The following GGT1 variants were observed in gnomAD, a reference collection of about 807,000 sequenced individuals.
GGT1 encodes the protein gamma-glutamyltransferase 1.
GGT1 carries 21 observed loss-of-function variants against 56.0 expected under a neutral mutation model. That is an observed-to-expected ratio of 0.38 (90% CI 0.27 to 0.54). GGT1 has a LOEUF of 0.54. Ranked by LOEUF, GGT1 falls within the 20% of genes least tolerant of loss-of-function variation. The probability of loss-of-function intolerance (pLI) is 0.82; values close to 1 mark genes in which losing one functional copy is unlikely to be tolerated. For synonymous variants in GGT1, 238 were observed against 342.6 expected (o/e 0.69, Z 3.37); for missense variants, 466 against 787.0 (o/e 0.59, Z 4.88).
At chr22:24,619,819 T>C (rs4049857) in intron 7 of GGT1, among the ~76,000 whole-genome samples, 133 of 150,968 alleles carry the variant, frequency 8.8e-4, no homozygotes, top group Admixed American at 1.8e-3. Context: ...TTGTGGTCAG[T>C]GAGATGGGAG....
chr22:24,587,099 C>G, the GGT1 span, among the ~76,000 whole-genome samples: 1 of 152,240 alleles, frequency 6.6e-6, no homozygotes, highest in African/African-American at 2.4e-5. Flanking sequence ...CTGAGATGCT[C>G]TGACTCTTGA....
At position 24,611,172 on chromosome 22, in the gene GGT1, A is replaced by G. The variant is rs2046630364; in HGVS notation, c.91A>G (p.Lys31Glu). 6.3e-7 allele frequency: 1 copy of G among 1,595,004 alleles called. No homozygotes were observed. Among genetic ancestry groups the G allele is most frequent in the Non-Finnish European group, 8.5e-7 (1 of 1,171,126 alleles). ...GLCLWLPSASKEPDNHVYTRA... is the reference protein window; with the variant it reads ...GLCLWLPSASEEPDNHVYTRA... Reference sequence around the variant, plus strand: ...CTGTCTCTGGCTGCCCTCAGCCTCCAAGGAACCTGACAACCATGTGTACAC... The same window carrying G: ...CTGTCTCTGGCTGCCCTCAGCCTCCGAGGAACCTGACAACCATGTGTACAC... The change falls in exon 5 of 16, where the codon AAG becomes GAG. Residue 31 changes from lysine (K) to glutamate (E), a missense_variant. Around this residue, in one of 2 missense-constraint regions of GGT1, gnomAD observed 456 missense variants for 716.7 expected, o/e 0.64. Coordinates refer to ENST00000400382, the MANE Select transcript of GGT1 (RefSeq NM_001288833.2).
In GGT1 at chr22:24,613,376, A is replaced by G. The variant is rs560488127; in HGVS notation, c.165-1400A>G. Among the ~76,000 whole-genome samples the G allele has an allele frequency of 6.9e-4, 105 of 152,016 alleles. 1 individual carries two copies. In the South Asian group the frequency reaches 0.022, roughly 31 times the overall value. On this transcript the variant is annotated intron_variant, in intron 5 of 15. Coordinates refer to ENST00000400382, the MANE Select transcript of GGT1 (RefSeq NM_001288833.2). ...GTGTAAGCCACCATCTCTAGCCGGGAAAAAAAATGTTATTAATAAAGTATA... is the reference window on the plus strand; with the variant it reads ...GTGTAAGCCACCATCTCTAGCCGGGGAAAAAAATGTTATTAATAAAGTATA...
chr22:24,612,030 C>A (rs2046738655), intron 5 of GGT1, among the ~76,000 whole-genome samples: 1 of 152,112 alleles, frequency 6.6e-6, no homozygotes, highest in Non-Finnish European at 1.5e-5. Context: ...TGGTCTTGAA[C>A]TCCTGACCTT....
chr22:24,586,172 G>A, the GGT1 span: 11 of 1,613,510 alleles, frequency 6.8e-6, no homozygotes, highest in Middle Eastern at 1.6e-4. Flanking sequence ...AGTGGCCCGC[G>A]TCAGTCGGTT....
intron 7 of GGT1, chr22:24,616,037 C>T (rs1221033916): frequency 6.6e-6 from 1 of 151,922 alleles, no homozygotes; most frequent in African/African-American, 2.4e-5. Context: ...TCACTTGAGC[C>T]CAGGAGGTTG....
intron 7 of GGT1, 71 bp downstream of exon 7, chr22:24,615,198 A>C: frequency 2.7e-6 from 3 of 1,102,166 alleles, no homozygotes; most frequent in Non-Finnish European, 4.1e-6. Context: ...CCTTGCCCAC[A>C]GGAGCCTGCT....
upstream of GGT1, among the ~76,000 whole-genome samples, chr22:24,600,288 C>G (rs368895973): frequency 6.6e-6 from 1 of 152,204 alleles, no homozygotes; most frequent in African/African-American, 2.4e-5. Flanking sequence ...AGCAACTGTT[C>G]TAGTTATCCC....
chr22:24,617,251 C>T (rs2047128687), intron 7 of GGT1, among the ~76,000 whole-genome samples: 1 of 152,122 alleles, frequency 6.6e-6, no homozygotes, highest in Non-Finnish European at 1.5e-5. Context: ...GGTGTGATGG[C>T]AGGGACAGAG....
chr22:24,612,096 T>G (rs9680722), intron 5 of GGT1, among the ~76,000 whole-genome samples: 7,956 of 151,990 alleles, frequency 0.052, 669 homozygotes, highest in African/African-American at 0.18. Flanking sequence ...GAGCCACTGC[T>G]CCTGGCCTAA....
chr22:24,592,992 C>G, upstream of GGT1: 1 of 1,154,188 alleles, frequency 8.7e-7, no homozygotes, highest in Middle Eastern at 3.6e-4. Flanking sequence ...CCGCCCCGGC[C>G]TCAGAGCCAG....
chr22:24,616,208 G>A (rs534671817), intron 7 of GGT1, among the ~76,000 whole-genome samples: 1 of 152,070 alleles, frequency 6.6e-6, no homozygotes, highest in African/African-American at 2.4e-5. Context: ...TAGGTCAGGA[G>A]TTCAAGACCA....
intron 11 of GGT1, among the ~76,000 whole-genome samples, chr22:24,625,558 T>C (rs1312483954): frequency 6.6e-6 from 1 of 152,002 alleles, no homozygotes; most frequent in Non-Finnish European, 1.5e-5. Context: ...GTTTTTTTTT[T>C]TGAGACAGAG....
At chr22:24,611,560 A>G (rs1463762841) in intron 5 of GGT1, among the ~76,000 whole-genome samples, 2 of 124,808 alleles carry the variant, frequency 1.6e-5, no homozygotes, top group African/African-American at 3.2e-5. Context: ...CTATCTATCT[A>G]TCTATCTATC....
chr22:24,600,429 TG>T (rs2045764065), upstream of GGT1, among the ~76,000 whole-genome samples: 1 of 152,264 alleles, frequency 6.6e-6, no homozygotes, highest in African/African-American at 2.4e-5. Flanking sequence ...CTCTGAGTTT[TG>T]GAGCTGGACT....
Position 24,605,861 on chromosome 22 carries a change from G to A in GGT1, c.-428-2093G>A, listed in dbSNP as rs1485719283. Among the ~76,000 whole-genome samples the A allele has an allele frequency of 3.0e-5, 2 of 65,836 alleles. 1 individual carries two copies. Among genetic ancestry groups the A allele is most frequent in the Non-Finnish European group, 5.1e-5 (2 of 38,858 alleles). 43.2% of individuals were successfully genotyped at this position (65,836 alleles called of 152,430 possible). A position where few individuals can be genotyped will look rare whatever the true frequency, so the allele number is the denominator to read the frequency against. The stretch of plus-strand genomic sequence containing the variant: ...TTATATATTATATAATATATGATGT[G>A]TATTATATATTATATAATATATGAT... On this transcript the variant is annotated intron_variant, in intron 1 of 15. Coordinates refer to ENST00000400382, the MANE Select transcript of GGT1 (RefSeq NM_001288833.2).
intron 11 of GGT1, 86 bp downstream of exon 11, chr22:24,624,002 A>G (rs2047591160): frequency 5.1e-6 from 8 of 1,571,972 alleles, no homozygotes; most frequent in Non-Finnish European, 6.9e-6. Context: ...ACAGCCTCAC[A>G]TATGCTTTAT....
intron 1 of GGT1, among the ~76,000 whole-genome samples, chr22:24,605,377 A>T (rs1263558517): frequency 1.7e-5 from 1 of 59,872 alleles, no homozygotes; most frequent in Non-Finnish European, 2.6e-5. Flanking sequence ...ATATTATATA[A>T]TATTATAATA....
At chr22:24,607,809 C>T (rs1363494433) in intron 1 of GGT1, 145 bp from the exon 2 acceptor site, 1 of 337,080 alleles carries the variant, frequency 3.0e-6, no homozygotes, top group East Asian at 1.0e-4. Context: ...ACCCCCAGAT[C>T]CCAGTCCCAA....
Sources: allele counts gnomAD v4.1 joint callset (sites outside exome capture counted in the v4.1 genomes callset), GRCh38; gene constraint gnomAD v4.1.1; regional missense constraint gnomAD v4.1.1; transcripts MANE v1.5; gene names NCBI Gene and HGNC (gene_info 2026-07-23, HGNC 2026-07-21).